Variants in MCPH1 observed in about 807,000 individuals in gnomAD.
The protein encoded by MCPH1 is microcephalin.
Under a neutral mutation model 84.5 loss-of-function variants are expected in MCPH1, and 104 were observed. That is an observed-to-expected ratio of 1.23 (90% CI 1.05 to 1.45). MCPH1 has a LOEUF of 1.45. Ranked by LOEUF, MCPH1 falls within the 40% of genes most tolerant of loss-of-function variation. The probability of loss-of-function intolerance (pLI) is 0.00; values close to 1 mark genes in which losing one functional copy is unlikely to be tolerated. For synonymous variants in MCPH1, 514 were observed against 366.8 expected (o/e 1.40, Z -4.58); for missense variants, 1,498 against 1,005.7 (o/e 1.49, Z -6.62).
At chr8:6,549,254 T>C (rs775610248) in intron 12 of MCPH1, among the ~76,000 whole-genome samples, 3 of 152,230 alleles carry the variant, frequency 2.0e-5, no homozygotes, top group East Asian at 1.9e-4. Flanking sequence ...AATTGTGTTA[T>C]ACAGCGAAAC....
chr8:6,575,597 G>A (rs1325412016), intron 12 of MCPH1, among the ~76,000 whole-genome samples: 2 of 152,202 alleles, frequency 1.3e-5, no homozygotes, highest in Non-Finnish European at 2.9e-5. Flanking sequence ...TCCTTGTTAT[G>A]AGTTGAATTT....
At chr8:6,513,490 A>G (rs112517090) in intron 12 of MCPH1, among the ~76,000 whole-genome samples, 17 of 151,482 alleles carry the variant, frequency 1.1e-4, no homozygotes, top group African/African-American at 2.4e-4. Context: ...CCACCACCAC[A>G]CCTGGCTAAT....
At chr8:6,474,560 T>TA (rs34997675) in intron 9 of MCPH1, among the ~76,000 whole-genome samples, 81 of 152,300 alleles carry the variant, frequency 5.3e-4, no homozygotes, top group African/African-American at 1.9e-3. Context: ...AAATTATTGT[T>TA]AAAAAAAGTT....
At chr8:6,577,095 C>T (rs1341681193) in intron 12 of MCPH1, among the ~76,000 whole-genome samples, 1 of 152,188 alleles carries the variant, frequency 6.6e-6, no homozygotes, top group East Asian at 1.9e-4. Context: ...CAGTCCCAGC[C>T]ACTGGGTTCC....
intron 12 of MCPH1, among the ~76,000 whole-genome samples, chr8:6,583,405 C>T (rs1044871734): frequency 2.6e-5 from 4 of 152,212 alleles, no homozygotes; most frequent in South Asian, 2.1e-4. Context: ...ACTTTTCTTG[C>T]GCTGCAAGGC....
Position 6,444,962 on chromosome 8 carries a change from G to T in MCPH1, c.1240G>T (p.Asp414Tyr). Reference protein sequence around the residue: ...ALSCGESSYDDYFSPDNLKER... With the variant: ...ALSCGESSYDYYFSPDNLKER... ...TAGCTGTGGGGAGTCTTCATATGAT[G>T]ACTATTTTTCACCTGATAATCTTAA... The change falls in exon 8 of 14, where the codon GAC becomes TAC. Residue 414 changes from aspartate (D) to tyrosine (Y), a missense_variant. Physicochemically the swap from Asp to Tyr is radical, Grantham distance 160. Transcript: ENST00000344683. The T allele has an allele frequency of 1.2e-6, 2 of 1,614,182 alleles. No homozygotes were observed. The highest frequency in any genetic ancestry group is 1.1e-5 in the South Asian group (1 of 91,064).
At position 6,644,219 on chromosome 8, in the gene MCPH1, T is replaced by C. The variant is rs116974716; in HGVS notation, c.*1170T>C. On this transcript the variant is annotated 3_prime_UTR_variant, in exon 14 of 14. Transcript: ENST00000344683. ...GAGCCAAGGTTGCAGTGAATCAAGA[T>C]TGCTCCACTGCACTCCAGCCTGGGC... 0.074 allele frequency: 11,205 copies of C among 152,178 alleles called. 533 individuals carry two copies. Among genetic ancestry groups the C allele is most frequent in the Non-Finnish European group, 0.11 (7,530 of 68,026 alleles). The allele number at this position is 152,178 out of a possible 1,614,324, so 9.4% of individuals were successfully genotyped here. A position where few individuals can be genotyped will look rare whatever the true frequency, so the allele number is the denominator to read the frequency against.
At chr8:6,564,735 A>G (rs1442103316) in intron 12 of MCPH1, among the ~76,000 whole-genome samples, 1 of 152,228 alleles carries the variant, frequency 6.6e-6, no homozygotes, top group Non-Finnish European at 1.5e-5. Flanking sequence ...TGAATAGTTA[A>G]CGAACAACAG....
intron 12 of MCPH1, among the ~76,000 whole-genome samples, chr8:6,600,497 TG>T (rs1335698439): frequency 1.9e-4 from 29 of 152,354 alleles, no homozygotes; most frequent in Admixed American, 5.9e-4. Context: ...TGGCCACCCT[TG>T]GCGGCACATC....
chr8:6,532,591 AAT>A, intron 12 of MCPH1: 5 of 847,370 alleles, frequency 5.9e-6, no homozygotes, highest in Non-Finnish European at 8.3e-6. Flanking sequence ...AAAAAAAAAA[AAT>A]CTATCAAAAG....
intron 11 of MCPH1, among the ~76,000 whole-genome samples, chr8:6,496,805 C>A (rs1811282492): frequency 1.3e-5 from 2 of 152,170 alleles, no homozygotes; most frequent in Non-Finnish European, 2.9e-5. Flanking sequence ...TTTTCCATCC[C>A]AGTAGGGAGT....
At chr8:6,515,922 A>G (rs558900121) in intron 12 of MCPH1, among the ~76,000 whole-genome samples, 10 of 152,272 alleles carry the variant, frequency 6.6e-5, no homozygotes, top group African/African-American at 2.2e-4. Flanking sequence ...CATTTCCTAC[A>G]TGAGGAAAGA....
chr8:6,433,258 TCAG>T (rs1157492481), intron 4 of MCPH1, among the ~76,000 whole-genome samples: 1 of 152,222 alleles, frequency 6.6e-6, no homozygotes, highest in East Asian at 1.9e-4. Flanking sequence ...TTTCTCCAAG[TCAG>T]ATATCTAGAG....
intron 12 of MCPH1, among the ~76,000 whole-genome samples, chr8:6,598,536 G>A (rs1243100147): frequency 1.3e-5 from 2 of 152,240 alleles, no homozygotes; most frequent in Admixed American, 6.5e-5. Flanking sequence ...TGGGCTGGGA[G>A]AGGCACACAC....
chr8:6,563,957 G>A (rs934833544), intron 12 of MCPH1, among the ~76,000 whole-genome samples: 1 of 148,150 alleles, frequency 6.7e-6, no homozygotes, highest in South Asian at 2.2e-4. Context: ...AAGTGCCTGT[G>A]TAGAAAGAGG....
intron 12 of MCPH1, among the ~76,000 whole-genome samples, chr8:6,561,224 T>TA (rs1825485594): frequency 6.6e-6 from 1 of 152,216 alleles, no homozygotes; most frequent in Admixed American, 6.5e-5. Context: ...GAGGGAAACT[T>TA]ACTGGAGCGC....
intron 12 of MCPH1, among the ~76,000 whole-genome samples, chr8:6,614,583 C>T (rs17077687): frequency 0.017 from 2,641 of 152,318 alleles, 69 homozygotes; most frequent in African/African-American, 0.059. Context: ...CACACACGTC[C>T]GTTGGCCTAA....
chr8:6,540,181 A>AT (rs891324438), intron 12 of MCPH1, among the ~76,000 whole-genome samples: 6 of 151,938 alleles, frequency 3.9e-5, no homozygotes, highest in African/African-American at 1.2e-4. Flanking sequence ...CTTTGCATTA[A>AT]TTTTTTTCAC....
chr8:6,577,744 T>C (rs753252491), intron 12 of MCPH1, among the ~76,000 whole-genome samples: 4 of 152,242 alleles, frequency 2.6e-5, no homozygotes, highest in Non-Finnish European at 5.9e-5. Flanking sequence ...ATTTAACAAA[T>C]GTGAGACACC....
Sources: gnomAD v4.1 joint callset for allele counts (sites outside exome capture counted in the v4.1 genomes callset) on GRCh38, gnomAD v4.1.1 for gene constraint, MANE v1.5 for transcripts, NCBI Gene and HGNC (gene_info 2026-07-23, HGNC 2026-07-21) for gene names.